PCGF6: variants seen among roughly 807,000 people sequenced by gnomAD.
PCGF6 encodes the protein polycomb group ring finger 6, also known as polycomb group RING finger protein 6.
Under a neutral mutation model 45.5 loss-of-function variants are expected in PCGF6, and 24 were observed. The ratio of observed to expected loss-of-function variants is 0.53; its 90% confidence interval spans 0.38 to 0.74. The LOEUF (loss-of-function observed/expected upper bound fraction) is 0.74. Among genes scored for constraint, PCGF6 ranks in the 30% least tolerant of loss-of-function variants. PCGF6 has a pLI of 0.00. For synonymous variants in PCGF6, 152 were observed against 162.1 expected (o/e 0.94, Z 0.47); for missense variants, 356 against 443.2 (o/e 0.80, Z 1.77).
In PCGF6 at chr10:103,303,986, A is replaced by C. The variant is rs1453750756; in HGVS notation, c.997-25T>G. The C allele has an allele frequency of 3.7e-6, 6 of 1,601,206 alleles. No individual in the cohort carries two copies. The East Asian group carries it at 1.3e-4, about 36-fold the overall frequency. On this transcript the variant is annotated intron_variant, in intron 9 of 9. Transcript: ENST00000369847. ...CCTGAAAAGGGGAGAAAAAAAGACG[A>C]TTTTGCAGTTCTTTCAAACCAGTAA...
chr10:103,339,150 C>T (rs182625674), intron 6 of PCGF6, among the ~76,000 whole-genome samples: 3 of 152,350 alleles, frequency 2.0e-5, no homozygotes, highest in Admixed American at 2.0e-4. Flanking sequence ...TGCAGTGGCT[C>T]ACGCCTGTAA....
At chr10:103,347,125 A>G (rs1424285284) in intron 5 of PCGF6, 113 bp downstream of exon 5, 2 of 782,332 alleles carry the variant, frequency 2.6e-6, no homozygotes, top group African/African-American at 3.5e-5. Flanking sequence ...ATTACCTTCA[A>G]AATCTCTCTG....
At chr10:103,330,150 C>T (rs2093234841) in intron 7 of PCGF6, among the ~76,000 whole-genome samples, 1 of 151,882 alleles carries the variant, frequency 6.6e-6, no homozygotes, top group Admixed American at 6.6e-5. Context: ...TCTCGGCTCA[C>T]TGCAGCCTCT....
chr10:103,348,788 T>C lies in PCGF6; in HGVS notation c.485A>G (p.His162Arg), dbSNP rs760985653. 6.2e-7 allele frequency: 1 copy of C among 1,613,204 alleles called. No individual in the cohort carries two copies. Among genetic ancestry groups the C allele is most frequent in the South Asian group, 1.1e-5 (1 of 90,884 alleles). ...HTFCKSCIVRHFYYSNRCPKC... is the reference protein window; with the variant it reads ...HTFCKSCIVRRFYYSNRCPKC... Reference sequence around the variant, plus strand: ...TGGACATCTGTTGCTGTAGTAAAAATGTCTTACGATGCAGCTTTTACAAAC... The same window carrying C: ...TGGACATCTGTTGCTGTAGTAAAAACGTCTTACGATGCAGCTTTTACAAAC... Residue 162 changes from histidine to arginine, a missense_variant, in exon 3 of 10, where the codon CAT (histidine) becomes CGT (arginine). His to Arg is a conservative substitution (Grantham distance 29). Coordinates refer to ENST00000369847, the MANE Select transcript of PCGF6 (RefSeq NM_001011663.2).
At chr10:103,338,407 T>G (rs987854992) in intron 6 of PCGF6, among the ~76,000 whole-genome samples, 1 of 151,158 alleles carries the variant, frequency 6.6e-6, no homozygotes, top group African/African-American at 2.4e-5. Flanking sequence ...TAGCCGGGCG[T>G]GGTGGCAGGC....
chr10:103,325,323 G>A (rs2093214107), intron 8 of PCGF6, among the ~76,000 whole-genome samples: 1 of 151,960 alleles, frequency 6.6e-6, no homozygotes, highest in Non-Finnish European at 1.5e-5. Context: ...GCGCAATCTT[G>A]GCTCACTGTA....
rs1191285477 is a variant in PCGF6 at position 103,337,887 on chromosome 10, A to T, written c.783-3935T>A. ...AGACCATCCCGGCTAAAACGGCGAA[A>T]CCCCGTCTCTACTAAAAATACAAAA... On this transcript the variant is annotated intron_variant, in intron 6 of 9. Coordinates refer to ENST00000369847, the MANE Select transcript of PCGF6 (RefSeq NM_001011663.2). Among the ~76,000 whole-genome samples, 2 of 109,436 alleles carry T rather than the reference A, an allele frequency of 1.8e-5. 1 individual carries two copies. The highest frequency in any genetic ancestry group is 3.9e-5 in the Non-Finnish European group (2 of 50,996). The allele number at this position is 109,436 out of a possible 152,430, so 71.8% of individuals were successfully genotyped here.
chr10:103,304,404 G>A (rs866716338), intron 9 of PCGF6, among the ~76,000 whole-genome samples: 5 of 148,308 alleles, frequency 3.4e-5, no homozygotes, highest in South Asian at 2.2e-4. Flanking sequence ...ACAGTGGTGC[G>A]ATCTCTGCTC....
At chr10:103,306,823 G>C (rs2133551929) in intron 9 of PCGF6, among the ~76,000 whole-genome samples, 1 of 152,330 alleles carries the variant, frequency 6.6e-6, no homozygotes, top group East Asian at 1.9e-4. Flanking sequence ...TAAACTCAAG[G>C]CCAGGTGCAG....
intron 3 of PCGF6, among the ~76,000 whole-genome samples, chr10:103,348,180 G>A (rs559033943): frequency 6.6e-6 from 1 of 152,160 alleles, no homozygotes; most frequent in African/African-American, 2.4e-5. Flanking sequence ...TCATTAACCT[G>A]AGTAAGTGAT....
intron 7 of PCGF6, among the ~76,000 whole-genome samples, chr10:103,327,506 T>C (rs760659212): frequency 5.9e-4 from 89 of 152,122 alleles, no homozygotes; most frequent in Non-Finnish European, 1.1e-3. Context: ...GATCAAGGGA[T>C]TATCATTAAT....
intron 7 of PCGF6, among the ~76,000 whole-genome samples, chr10:103,327,111 A>G (rs1275992725): frequency 6.6e-6 from 1 of 152,008 alleles, no homozygotes; most frequent in Non-Finnish European, 1.5e-5. Context: ...ACATGGAGAA[A>G]CCCCGTCTCT....
chr10:103,349,175 G>GT (rs1254496412), intron 1 of PCGF6, among the ~76,000 whole-genome samples, 176 bp from the exon 2 acceptor site: 1 of 151,948 alleles, frequency 6.6e-6, no homozygotes, highest in South Asian at 2.1e-4. Context: ...AGCCTCCCGA[G>GT]TAGCTGGGAT....
At position 103,302,886 on chromosome 10, in the gene PCGF6, TTGTAG is replaced by T. The variant is rs1340180355; in HGVS notation, c.*1014_*1018del. 5.3e-5 allele frequency: 8 copies of T among 152,256 alleles called. No individual in the cohort carries two copies. Among genetic ancestry groups the T allele is most frequent in the Admixed American group, 5.2e-4 (8 of 15,280 alleles). 9.4% of individuals were successfully genotyped at this position (152,256 alleles called of 1,614,324 possible). A position where few individuals can be genotyped will look rare whatever the true frequency, so the allele number is the denominator to read the frequency against. ...AAGAATTGCCAATCTTTTTCCAATT[TTGTAG>T]TAGTCTCTACACATTCAGAAATTCT... On this transcript the variant is annotated 3_prime_UTR_variant, in exon 10 of 10. Coordinates refer to ENST00000369847, the MANE Select transcript of PCGF6 (RefSeq NM_001011663.2).
At chr10:103,333,683 C>T (rs2093247631) in intron 7 of PCGF6, among the ~76,000 whole-genome samples, 1 of 152,088 alleles carries the variant, frequency 6.6e-6, no homozygotes, top group Non-Finnish European at 1.5e-5. Context: ...CATTTTTTAT[C>T]ACCAAATTAA....
At chr10:103,324,234 C>A (rs1333215662) in intron 8 of PCGF6, among the ~76,000 whole-genome samples, 1 of 151,384 alleles carries the variant, frequency 6.6e-6, no homozygotes, top group Non-Finnish European at 1.5e-5. Context: ...TCACTGTGCC[C>A]AGCCACAATA....
intron 9 of PCGF6, among the ~76,000 whole-genome samples, chr10:103,310,770 T>C (rs1347189647): frequency 1.3e-5 from 2 of 152,162 alleles, no homozygotes; most frequent in Non-Finnish European, 2.9e-5. Context: ...GGTGTGATCA[T>C]GGATCACTGC....
chr10:103,349,099 G>T, intron 1 of PCGF6, 100 bp from the exon 2 acceptor site: 1 of 958,454 alleles, frequency 1.0e-6, no homozygotes, highest in Non-Finnish European at 1.6e-6. Context: ...CCCAAGCTGA[G>T]TGCAGTGATG....
intron 6 of PCGF6, among the ~76,000 whole-genome samples, chr10:103,344,184 A>G (rs2093291194): frequency 6.6e-6 from 1 of 152,106 alleles, no homozygotes; most frequent in South Asian, 2.1e-4. Flanking sequence ...TACCATTTCA[A>G]GTTTGGCAAA....
Sources: gnomAD v4.1 joint callset for allele counts (sites outside exome capture counted in the v4.1 genomes callset) on GRCh38, gnomAD v4.1.1 for gene constraint, MANE v1.5 for transcripts, NCBI Gene and HGNC (gene_info 2026-07-23, HGNC 2026-07-21) for gene names.